MAMDC2: variants seen among roughly 807,000 people sequenced by gnomAD.
The protein encoded by MAMDC2 is MAM domain containing 2.
A neutral mutation model predicts 89.8 loss-of-function variants in MAMDC2; 57 were observed. That is an observed-to-expected ratio of 0.63 (90% CI 0.51 to 0.79). MAMDC2 has a LOEUF of 0.79. MAMDC2 is among the 30% of genes least tolerant of loss of function. The pLI is 0.00. For missense variants in MAMDC2, 800 were observed against 820.6 expected, an observed-to-expected ratio of 0.97 and a Z score of 0.31; for synonymous variants, 313 against 293.4, an observed-to-expected ratio of 1.07 and a Z score of -0.68.
intron 11 of MAMDC2, among the ~76,000 whole-genome samples, chr9:70,173,407 ATCTATAAACCT>A (rs1335663908): frequency 6.6e-6 from 1 of 152,190 alleles, no homozygotes; most frequent in Non-Finnish European, 1.5e-5. Context: ...GAATAAATGA[ATCTATAAACCT>A]TCACTGACAC....
At chr9:70,070,243 C>G (rs1380454037) in intron 2 of MAMDC2, among the ~76,000 whole-genome samples, 1 of 152,130 alleles carries the variant, frequency 6.6e-6, no homozygotes, top group Non-Finnish European at 1.5e-5. Context: ...AAGACTGGTC[C>G]TGGACCTTTT....
intron 2 of MAMDC2, among the ~76,000 whole-genome samples, chr9:70,103,995 A>T (rs1349213379): frequency 6.6e-6 from 1 of 152,160 alleles, no homozygotes; most frequent in South Asian, 2.1e-4. Context: ...TTAAAAAAAA[A>T]AAAAGGTGAA....
intron 8 of MAMDC2, 46 bp from the exon 9 acceptor site, chr9:70,143,508 A>T: frequency 6.3e-7 from 1 of 1,599,872 alleles, no homozygotes; most frequent in Non-Finnish European, 8.5e-7. Context: ...TTGCTAATCT[A>T]GATTAGATTA....
At chr9:70,167,976 AAT>A (rs1360481532) in intron 9 of MAMDC2, among the ~76,000 whole-genome samples, 2 of 152,200 alleles carry the variant, frequency 1.3e-5, no homozygotes, top group Non-Finnish European at 2.9e-5. Flanking sequence ...CCAAAAAATC[AAT>A]AGTGTTTGTA....
At position 70,226,209 on chromosome 9, in the gene MAMDC2, T is replaced by C; in HGVS notation, c.*177T>C. The C allele has an allele frequency of 2.3e-6, 1 of 442,450 alleles. No individual in the cohort carries two copies. 27.4% of individuals were successfully genotyped at this position (442,450 alleles called of 1,614,324 possible). ...ACTGACTCAGGGCTCTTTTTTTCTT[T>C]TTGCATATGACAACTGTTACTAGAA... is the stretch of plus-strand genomic sequence containing the variant. On this transcript the variant is annotated 3_prime_UTR_variant, in exon 14 of 14. Coordinates refer to ENST00000377182, the MANE Select transcript of MAMDC2 (RefSeq NM_153267.5).
chr9:70,209,554 A>G (rs1008778530), intron 11 of MAMDC2, among the ~76,000 whole-genome samples: 18 of 150,750 alleles, frequency 1.2e-4, no homozygotes, highest in Admixed American at 5.3e-4. Context: ...CTATCTATCT[A>G]TCTATTTTAT....
intron 11 of MAMDC2, among the ~76,000 whole-genome samples, chr9:70,204,256 G>A (rs1335508842): frequency 6.7e-6 from 1 of 149,828 alleles, no homozygotes; most frequent in East Asian, 2.0e-4. Context: ...CTTTCTGTTT[G>A]TTAGTTTTCC....
At chr9:70,198,885 C>G (rs561622293) in intron 11 of MAMDC2, among the ~76,000 whole-genome samples, 1 of 152,220 alleles carries the variant, frequency 6.6e-6, no homozygotes, top group Non-Finnish European at 1.5e-5. Context: ...AATATCACAA[C>G]TCTGTTAGTT....
intron 7 of MAMDC2, among the ~76,000 whole-genome samples, 199 bp downstream of exon 7, chr9:70,131,811 C>A (rs985871423): frequency 6.6e-6 from 1 of 152,164 alleles, no homozygotes; most frequent in African/African-American, 2.4e-5. Flanking sequence ...ATGTTTCTGA[C>A]ACCATCAGCC....
At chr9:70,223,562 TTGAA>T (rs2033602084) in intron 12 of MAMDC2, among the ~76,000 whole-genome samples, 5 of 152,178 alleles carry the variant, frequency 3.3e-5, no homozygotes. Flanking sequence ...TGTTAAAACT[TTGAA>T]TGACATTGAG....
Position 70,162,007 on chromosome 9 carries a change from G to A in MAMDC2, c.1405-6695G>A, listed in dbSNP as rs901717328. Among the ~76,000 whole-genome samples, 3 of 152,106 alleles carry A rather than the reference G, an allele frequency of 2.0e-5. No homozygotes were observed. The East Asian group carries it at 5.8e-4, about 29-fold the overall frequency. ...TAACTAGGTTCATTTTGTGAAAATG[G>A]GTAAGTTATGATATTGTTGGCACAG... On this transcript the variant is annotated intron_variant, in intron 9 of 13. Transcript: ENST00000377182.
chr9:70,161,638 G>A (rs568459131), intron 9 of MAMDC2, among the ~76,000 whole-genome samples: 1 of 152,280 alleles, frequency 6.6e-6, no homozygotes, highest in East Asian at 1.9e-4. Context: ...TCTGCCTTCA[G>A]GGATTTGTAA....
chr9:70,048,420 T>G (rs1563930720), intron 2 of MAMDC2, among the ~76,000 whole-genome samples: 1 of 152,126 alleles, frequency 6.6e-6, no homozygotes, highest in Non-Finnish European at 1.5e-5. Flanking sequence ...GGCATGCACC[T>G]GTAGTACCAT....
intron 2 of MAMDC2, among the ~76,000 whole-genome samples, chr9:70,067,129 G>A (rs747092345): frequency 3.1e-4 from 47 of 152,170 alleles, no homozygotes; most frequent in Non-Finnish European, 4.7e-4. Flanking sequence ...TTCTAGCTCC[G>A]GGATGACACT....
chr9:70,158,405 C>T (rs188497317), intron 9 of MAMDC2, among the ~76,000 whole-genome samples: 61 of 151,808 alleles, frequency 4.0e-4, no homozygotes, highest in African/African-American at 1.0e-3. Flanking sequence ...AAATCTTTCA[C>T]TTTAGATGCA....
chr9:70,154,723 G>A (rs2031695603), intron 9 of MAMDC2, among the ~76,000 whole-genome samples: 1 of 151,360 alleles, frequency 6.6e-6, no homozygotes. Context: ...AAGTAGCTCG[G>A]GCTGGTCTGA....
At chr9:70,212,001 A>C (rs1439718528) in intron 11 of MAMDC2, among the ~76,000 whole-genome samples, 1 of 152,196 alleles carries the variant, frequency 6.6e-6, no homozygotes, top group African/African-American at 2.4e-5. Flanking sequence ...TTTGTCTCAG[A>C]GGGGCACCCA....
chr9:70,205,256 C>G (rs531802497), intron 11 of MAMDC2, among the ~76,000 whole-genome samples: 2 of 152,310 alleles, frequency 1.3e-5, no homozygotes, highest in South Asian at 2.1e-4. Flanking sequence ...GTAACCATCA[C>G]CACCATCCAT....
At chr9:70,135,765 C>T (rs1016741934) in intron 7 of MAMDC2, among the ~76,000 whole-genome samples, 4 of 152,090 alleles carry the variant, frequency 2.6e-5, no homozygotes. Flanking sequence ...AAGGTTCACT[C>T]GTGGTATTGT....
Sources: gnomAD v4.1 joint callset for allele counts (sites outside exome capture counted in the v4.1 genomes callset) on GRCh38, gnomAD v4.1.1 for gene constraint, MANE v1.5 for transcripts, NCBI Gene and HGNC (gene_info 2026-07-23, HGNC 2026-07-21) for gene names.